The following NRIP1 variants were observed in gnomAD, a reference collection of about 807,000 sequenced individuals.
NRIP1 encodes the protein nuclear receptor-interacting protein 1.
In NRIP1, 28 loss-of-function variants were observed where a neutral mutation model predicts 75.0. That is an observed-to-expected ratio of 0.37 (90% CI 0.28 to 0.51). The LOEUF is 0.51. Among genes scored for constraint, NRIP1 ranks in the 20% least tolerant of loss-of-function variants. The pLI, the probability that NRIP1 is intolerant of heterozygous loss-of-function variation, is 0.92. For synonymous variants in NRIP1, 526 were observed against 487.6 expected (o/e 1.08, Z -1.04); for missense variants, 1,435 against 1,343.7 (o/e 1.07, Z -1.06).
chr21:14,979,198 C>T (rs1328746176), intron 3 of NRIP1, among the ~76,000 whole-genome samples: 1 of 152,198 alleles, frequency 6.6e-6, no homozygotes, highest in Non-Finnish European at 1.5e-5. Context: ...GTTTGCTTCT[C>T]ACCTTTCTCA....
At chr21:15,025,325 T>G (rs2088491049) in intron 2 of NRIP1, among the ~76,000 whole-genome samples, 1 of 151,996 alleles carries the variant, frequency 6.6e-6, no homozygotes, top group African/African-American at 2.4e-5. Context: ...AATTGAAGCC[T>G]ATAGGATTGG....
At chr21:14,971,864 T>A (rs1333173862) in intron 3 of NRIP1, among the ~76,000 whole-genome samples, 1 of 152,206 alleles carries the variant, frequency 6.6e-6, no homozygotes, top group Non-Finnish European at 1.5e-5. Context: ...ACATTTAGAA[T>A]AGATTTAAAA....
intron 3 of NRIP1, among the ~76,000 whole-genome samples, chr21:14,995,343 T>A (rs1324645615): frequency 6.6e-6 from 1 of 152,210 alleles, no homozygotes; most frequent in Non-Finnish European, 1.5e-5. Context: ...TTGGGAAGAT[T>A]ACAGGCTGGA....
intron 3 of NRIP1, among the ~76,000 whole-genome samples, chr21:14,991,887 T>C (rs2087582007): frequency 6.6e-6 from 1 of 152,174 alleles, no homozygotes; most frequent in Non-Finnish European, 1.5e-5. Flanking sequence ...TGACTAAAAA[T>C]GTTGTCTATT....
At chr21:15,008,610 G>T (rs1230164966) in intron 3 of NRIP1, among the ~76,000 whole-genome samples, 1 of 152,034 alleles carries the variant, frequency 6.6e-6, no homozygotes, top group East Asian at 1.9e-4. Flanking sequence ...TAGAAAAGTG[G>T]GTAATATGAT....
chr21:14,983,716 T>A (rs1005091240), intron 3 of NRIP1, among the ~76,000 whole-genome samples: 1 of 152,200 alleles, frequency 6.6e-6, no homozygotes, highest in Non-Finnish European at 1.5e-5. Flanking sequence ...AAGCTGGAAC[T>A]TGAGGTTGAA....
chr21:15,022,905 G>A (rs945162119), intron 2 of NRIP1, among the ~76,000 whole-genome samples: 1 of 152,194 alleles, frequency 6.6e-6, no homozygotes, highest in African/African-American at 2.4e-5. Context: ...TCACAAAAAG[G>A]AATGAAGTGC....
intron 3 of NRIP1, among the ~76,000 whole-genome samples, chr21:14,982,070 A>C (rs530613790): frequency 6.6e-6 from 1 of 152,138 alleles, no homozygotes; most frequent in South Asian, 2.1e-4. Flanking sequence ...GGGTGGTCTC[A>C]AGCTCCTGGG....
chr21:14,967,279 T>C lies in NRIP1; in HGVS notation c.914A>G (p.Gln305Arg), dbSNP rs1389600358. The change falls in exon 4 of 4, where the codon CAA (glutamine) becomes CGA (arginine). Residue 305 changes from glutamine (Q) to arginine (R), a missense_variant. Coordinates refer to ENST00000318948, the MANE Select transcript of NRIP1 (RefSeq NM_003489.4). ...GCCAACATCCTTCTGGCCATTTTCT[T>C]GCAATCTGGCCATAGCAGCAAGTCT... ...SERLAAMARLQENGQKDVGSY... is the reference protein window; with the variant it reads ...SERLAAMARLRENGQKDVGSY... The C allele has an allele frequency of 1.2e-6, 2 of 1,613,984 alleles. No individual in the cohort carries two copies. The highest frequency in any genetic ancestry group is 2.2e-5 in the South Asian group (2 of 91,070).
chr21:15,014,666 T>C (rs531884098), intron 2 of NRIP1, among the ~76,000 whole-genome samples, 200 bp from the exon 3 acceptor site: 6 of 152,340 alleles, frequency 3.9e-5, no homozygotes, highest in African/African-American at 1.4e-4. Context: ...TAGGTAATAA[T>C]CGATAAAAGT....
At chr21:14,976,977 TACCTATTTG>T (rs2087089651) in intron 3 of NRIP1, among the ~76,000 whole-genome samples, 1 of 152,212 alleles carries the variant, frequency 6.6e-6, no homozygotes, top group African/African-American at 2.4e-5. Context: ...TATCAAGTAA[TACCTATTTG>T]AGTACTGAAT....
intron 2 of NRIP1, among the ~76,000 whole-genome samples, chr21:15,039,227 C>T (rs535182292): frequency 1.8e-3 from 270 of 152,148 alleles, no homozygotes; most frequent in African/African-American, 6.4e-3. Flanking sequence ...ACAAGAGTAC[C>T]AATTTCATTT....
intron 1 of NRIP1, among the ~76,000 whole-genome samples, chr21:15,053,433 A>G (rs982076922): frequency 2.0e-5 from 3 of 152,218 alleles, no homozygotes; most frequent in Non-Finnish European, 4.4e-5. Flanking sequence ...ATTGCAAAGG[A>G]TAATAGTGTT....
At chr21:14,989,926 T>G (rs2087522347) in intron 3 of NRIP1, among the ~76,000 whole-genome samples, 1 of 151,952 alleles carries the variant, frequency 6.6e-6, no homozygotes, top group South Asian at 2.1e-4. Context: ...AAAATGAAAC[T>G]AAAATACTGG....
At chr21:14,986,185 G>C (rs1035599728) in intron 3 of NRIP1, among the ~76,000 whole-genome samples, 3 of 152,154 alleles carry the variant, frequency 2.0e-5, no homozygotes, top group African/African-American at 7.2e-5. Flanking sequence ...ATTTGAATCT[G>C]TATTTGTTGA....
chr21:15,027,147 A>G (rs908413802), intron 2 of NRIP1, among the ~76,000 whole-genome samples: 4 of 152,230 alleles, frequency 2.6e-5, no homozygotes, highest in African/African-American at 9.6e-5. Flanking sequence ...TGTAAAAACC[A>G]GTATTATTTA....
intron 2 of NRIP1, 111 bp from the exon 3 acceptor site, chr21:15,014,577 A>G (rs1483467588): frequency 2.5e-6 from 1 of 397,060 alleles, no homozygotes; most frequent in Non-Finnish European, 4.4e-6. Flanking sequence ...GTTCAATGCA[A>G]AAGTAGTCAT....
At chr21:14,985,391 G>A (rs370696886) in intron 3 of NRIP1, among the ~76,000 whole-genome samples, 136 of 152,252 alleles carry the variant, frequency 8.9e-4, no homozygotes, top group African/African-American at 3.2e-3. Context: ...GAATAAAAAA[G>A]TATTTTATCC....
intron 2 of NRIP1, among the ~76,000 whole-genome samples, chr21:15,014,731 T>A (rs2088185197): frequency 6.6e-6 from 1 of 152,180 alleles, no homozygotes; most frequent in Admixed American, 6.5e-5. Context: ...AGGATGTGTT[T>A]ATTAACCTTT....
Sources: gnomAD v4.1 joint callset for allele counts (sites outside exome capture counted in the v4.1 genomes callset) on GRCh38, gnomAD v4.1.1 for gene constraint, MANE v1.5 for transcripts, NCBI Gene and HGNC (gene_info 2026-07-23, HGNC 2026-07-21) for gene names.